USP7: variants seen among roughly 807,000 people sequenced by gnomAD.
USP7 encodes ubiquitin C-terminal hydrolase 7.
In USP7, 9 loss-of-function variants were observed where a neutral mutation model predicts 162.9. The observed-to-expected ratio is 0.06, with a 90% CI of 0.03 to 0.10. The LOEUF (loss-of-function observed/expected upper bound fraction) is 0.10. USP7 is among the 10% of genes least tolerant of loss of function. The pLI, the probability that USP7 is intolerant of heterozygous loss-of-function variation, is 1.00. For missense variants in USP7, 715 were observed against 1,373.7 expected, an observed-to-expected ratio of 0.52 and a Z score of 7.58; for synonymous variants, 562 against 475.9, an observed-to-expected ratio of 1.18 and a Z score of -2.35.
chr16:8,946,828 T>C (rs1392966102), intron 1 of USP7, among the ~76,000 whole-genome samples: 1 of 152,274 alleles, frequency 6.6e-6, no homozygotes, highest in African/African-American at 2.4e-5. Context: ...ACAACGCCAA[T>C]GTCTGGGCAT....
At chr16:8,905,012 G>C (rs773940975) in intron 14 of USP7, among the ~76,000 whole-genome samples, 175 bp downstream of exon 14, 2 of 152,054 alleles carry the variant, frequency 1.3e-5, no homozygotes, top group Non-Finnish European at 2.9e-5. Flanking sequence ...AAATTACTTG[G>C]TACCATAAGT....
Position 8,904,350 on chromosome 16 carries a change from G to A in USP7, c.1704+85C>T. On this transcript the variant is annotated intron_variant, in intron 15 of 30. Transcript: ENST00000344836. ...TGCATGGTGACCTGGGAGTCCCAGA[G>A]GGGTGGGGGCTGACCTGCACTTGTG... is the stretch of plus-strand genomic sequence containing the variant. The A allele has an allele frequency of 2.6e-6, 4 of 1,561,054 alleles. No homozygotes were observed. The South Asian group carries it at 3.6e-5, about 14-fold the overall frequency.
At chr16:8,899,489 G>A in intron 22 of USP7, 115 bp downstream of exon 22, 1 of 1,339,326 alleles carries the variant, frequency 7.5e-7, no homozygotes, top group Non-Finnish European at 1.0e-6. Flanking sequence ...GATTTCCTCG[G>A]GCATAGCCCC....
Position 8,923,425 on chromosome 16 carries a change from A to G in USP7, c.185-12T>C, listed in dbSNP as rs770756666. 1.2e-6 allele frequency: 2 copies of G among 1,613,746 alleles called. No homozygotes were observed. The highest frequency in any genetic ancestry group is 1.7e-6 in the Non-Finnish European group (2 of 1,179,762). On this transcript the variant is annotated splice_polypyrimidine_tract_variant and intron_variant, in intron 2 of 30. Coordinates refer to ENST00000344836, the MANE Select transcript of USP7 (RefSeq NM_003470.3). ...GCGCCAACTGGTGTCTGCAAAAAAA[A>G]CACATCATCAGTCACAGAGCCTGTG...
chr16:8,905,418 G>C (rs1412878584), intron 13 of USP7, 87 bp from the exon 14 acceptor site: 2 of 1,513,354 alleles, frequency 1.3e-6, no homozygotes, highest in African/African-American at 2.7e-5. Context: ...TAAAATGTGT[G>C]AACTTCTAGG....
intron 14 of USP7, 54 bp from the exon 15 acceptor site, chr16:8,904,619 G>C: frequency 6.3e-7 from 1 of 1,596,996 alleles, no homozygotes; most frequent in Middle Eastern, 1.7e-4. Flanking sequence ...TCCCCTCTTA[G>C]AAGCTCCCGA....
At chr16:8,933,059 A>G (rs1304273965) in intron 1 of USP7, among the ~76,000 whole-genome samples, 3 of 151,786 alleles carry the variant, frequency 2.0e-5, no homozygotes, top group African/African-American at 7.3e-5. Flanking sequence ...TCCTGCCTCC[A>G]TTTCCCAAAT....
chr16:8,930,366 A>T lies in USP7; in HGVS notation c.111T>A (p.Thr37=), dbSNP rs140041819. Residue 37 remains threonine, a synonymous_variant, in exon 2 of 31, where the codon ACT becomes ACA. Coordinates refer to ENST00000344836, the MANE Select transcript of USP7 (RefSeq NM_003470.3). Reference sequence around the variant, plus strand: ...CATTCCCATTGATCACAGGGTTCTGAGTAATTCTTGGTGGGTCATCTGTAT... The same window carrying T: ...CATTCCCATTGATCACAGGGTTCTGTGTAATTCTTGGTGGGTCATCTGTAT... ...AGDTDDPPRI[T]QNPVINGNVA... The T allele has an allele frequency of 6.2e-7, 1 of 1,612,860 alleles. No individual in the cohort carries two copies.
intron 1 of USP7, among the ~76,000 whole-genome samples, chr16:8,935,245 G>A (rs1245187172): frequency 6.9e-6 from 1 of 145,946 alleles, no homozygotes; most frequent in Non-Finnish European, 1.5e-5. Flanking sequence ...CTGTCTCCCA[G>A]GCTGGAGTGC....
In USP7 at chr16:8,900,541, T is replaced by A; in HGVS notation, c.2298A>T (p.Ile766=). The A allele has an allele frequency of 6.2e-7, 1 of 1,605,198 alleles. No individual in the cohort carries two copies. Residue 766 remains isoleucine (I), a synonymous_variant, in exon 21 of 31, where the codon ATA becomes ATT. Transcript: ENST00000344836. ...CACAAAGTACATACTTCTGAAATAC[T>A]ATGATGTCACCATCCATTAGTTCAT... ...ALDELMDGDI[I]VFQKDDPEND...
chr16:8,899,915 C>T (rs1210207463), intron 21 of USP7, 158 bp from the exon 22 acceptor site: 3 of 859,032 alleles, frequency 3.5e-6, no homozygotes, highest in Non-Finnish European at 5.6e-6. Flanking sequence ...TGCCTGAGCT[C>T]CCTCTGTAAG....
chr16:8,920,133 A>G (rs1596377920), intron 5 of USP7, among the ~76,000 whole-genome samples: 1 of 152,348 alleles, frequency 6.6e-6, no homozygotes, highest in East Asian at 1.9e-4. Flanking sequence ...ACAGCTGTCT[A>G]GTTGCCATAA....
At chr16:8,895,499 G>T in intron 27 of USP7, 143 bp downstream of exon 27, 1 of 785,758 alleles carries the variant, frequency 1.3e-6, no homozygotes, top group Non-Finnish European at 2.1e-6. Context: ...AAACACTGTA[G>T]GTCCACTCAT....
At chr16:8,904,046 T>C (rs1306176513) in intron 15 of USP7, among the ~76,000 whole-genome samples, 1 of 152,214 alleles carries the variant, frequency 6.6e-6, no homozygotes, top group Non-Finnish European at 1.5e-5. Flanking sequence ...CTTCTCTGTC[T>C]GGTGGCCTGA....
At chr16:8,917,179 A>AT (rs777209136) in intron 6 of USP7, 23 bp from the exon 7 acceptor site, 69 of 1,575,990 alleles carry the variant, frequency 4.4e-5, no homozygotes, top group Non-Finnish European at 5.8e-5. Flanking sequence ...AGAAATAAGA[A>AT]TTTTTACTCT....
At chr16:8,924,469 G>A (rs1241023530) in intron 2 of USP7, among the ~76,000 whole-genome samples, 2 of 152,264 alleles carry the variant, frequency 1.3e-5, no homozygotes, top group Admixed American at 6.5e-5. Flanking sequence ...TACAGGCAGT[G>A]CCTGGAAGGC....
intron 1 of USP7, among the ~76,000 whole-genome samples, chr16:8,943,050 T>A (rs760071509): frequency 6.6e-6 from 1 of 152,168 alleles, no homozygotes; most frequent in African/African-American, 2.4e-5. Flanking sequence ...TGGACCCACT[T>A]TGACGCTTTG....
At chr16:8,921,560 T>C (rs1897690657) in intron 3 of USP7, among the ~76,000 whole-genome samples, 1 of 152,222 alleles carries the variant, frequency 6.6e-6, no homozygotes, top group Non-Finnish European at 1.5e-5. Flanking sequence ...TTTCTTTCAT[T>C]GTATCTATAC....
chr16:8,895,539 A>C, intron 27 of USP7, 103 bp downstream of exon 27: 1 of 1,023,058 alleles, frequency 9.8e-7, no homozygotes, highest in African/African-American at 1.6e-5. Context: ...ACTGGTATAA[A>C]AACACAAATC....
Sources: gnomAD v4.1 joint callset for allele counts (sites outside exome capture counted in the v4.1 genomes callset) on GRCh38, gnomAD v4.1.1 for gene constraint, MANE v1.5 for transcripts, NCBI Gene and HGNC (gene_info 2026-07-23, HGNC 2026-07-21) for gene names.